The following UGGT2 variants were observed in gnomAD, a reference collection of about 807,000 sequenced individuals.
The protein encoded by UGGT2 is UDP-glucose glycoprotein glucosyltransferase 2, also known as UDP-glucose:glycoprotein glucosyltransferase 2.
In UGGT2, 180 loss-of-function variants were observed where a neutral mutation model predicts 192.1. The ratio of observed to expected loss-of-function variants is 0.94; its 90% confidence interval spans 0.83 to 1.06. UGGT2 has a LOEUF of 1.06. Ranked by LOEUF, UGGT2 falls within the 50% of genes least tolerant of loss-of-function variation. The pLI is 0.00. For missense variants in UGGT2, 1,849 were observed against 1,795.7 expected, an observed-to-expected ratio of 1.03 and a Z score of -0.54; for synonymous variants, 580 against 591.0, an observed-to-expected ratio of 0.98 and a Z score of 0.27.
At chr13:95,955,764 A>G (rs2050195604) in intron 12 of UGGT2, among the ~76,000 whole-genome samples, 1 of 152,072 alleles carries the variant, frequency 6.6e-6, no homozygotes, top group Non-Finnish European at 1.5e-5. Flanking sequence ...ATTATTGTTC[A>G]TTTTTTGTGC....
At chr13:95,902,663 A>C (rs2048141153) in intron 21 of UGGT2, among the ~76,000 whole-genome samples, 191 bp downstream of exon 21, 1 of 151,926 alleles carries the variant, frequency 6.6e-6, no homozygotes. Context: ...AACATATGAA[A>C]TCTGATTTAC....
At chr13:95,964,502 T>A (rs935762060) in intron 12 of UGGT2, among the ~76,000 whole-genome samples, 2 of 151,210 alleles carry the variant, frequency 1.3e-5, no homozygotes, top group East Asian at 1.9e-4. Context: ...GGAAAAAAAA[T>A]CAACAGAGTG....
chr13:95,801,679 G>A lies in UGGT2; in HGVS notation c.*111C>T. 1 of 1,052,892 alleles carries A rather than the reference G, an allele frequency of 9.5e-7. No individual in the cohort carries two copies. The highest frequency in any genetic ancestry group is 2.3e-5 in the Admixed American group (1 of 42,712). 65.2% of individuals were successfully genotyped at this position (1,052,892 alleles called of 1,614,324 possible). On this transcript the variant is annotated 3_prime_UTR_variant, in exon 39 of 39. Coordinates refer to ENST00000376747, the MANE Select transcript of UGGT2 (RefSeq NM_020121.4). ...ACAATTTTTTAAAATTAAAGAATAT[G>A]TCACTGATCTTAACGAGACTTCCAA...
intron 10 of UGGT2, among the ~76,000 whole-genome samples, chr13:95,977,458 T>A (rs2140831696): frequency 6.6e-6 from 1 of 151,834 alleles, no homozygotes; most frequent in East Asian, 1.9e-4. Flanking sequence ...AAAAGTTCAT[T>A]ATCACTAGAG....
intron 36 of UGGT2, among the ~76,000 whole-genome samples, chr13:95,852,924 G>A (rs1765282337): frequency 6.6e-6 from 1 of 152,096 alleles, no homozygotes; most frequent in South Asian, 2.1e-4. Flanking sequence ...ATATGGTTTG[G>A]CTGTGTCCCC....
chr13:95,893,426 C>T (rs1425281503), intron 24 of UGGT2, among the ~76,000 whole-genome samples: 1 of 152,028 alleles, frequency 6.6e-6, no homozygotes, highest in African/African-American at 2.4e-5. Context: ...TGCATATGCT[C>T]ATGAAATATA....
rs892921089 is a variant in UGGT2 at position 95,839,214 on chromosome 13, G to A, written c.4285-2012C>T. Among the ~76,000 whole-genome samples the A allele has an allele frequency of 2.0e-5, 3 of 151,948 alleles. No homozygotes were observed. In the South Asian group the frequency reaches 6.2e-4, roughly 32 times the overall value. On this transcript the variant is annotated intron_variant, in intron 36 of 38. Transcript: ENST00000376747. ...AACCTCCTGAATATAAATCTTAGGGGAACTTTAATTCTGTCAATTATATAT... is the reference window on the plus strand; with the variant it reads ...AACCTCCTGAATATAAATCTTAGGGAAACTTTAATTCTGTCAATTATATAT...
intron 5 of UGGT2, among the ~76,000 whole-genome samples, chr13:96,000,437 C>T (rs982565617): frequency 6.6e-6 from 1 of 152,110 alleles, no homozygotes; most frequent in African/African-American, 2.4e-5. Flanking sequence ...AACATTGCTG[C>T]CCACACTAAA....
At chr13:96,044,079 T>G (rs1190311692) in intron 1 of UGGT2, among the ~76,000 whole-genome samples, 1 of 152,062 alleles carries the variant, frequency 6.6e-6, no homozygotes, top group Non-Finnish European at 1.5e-5. Context: ...TCATCATCAG[T>G]GCATGAAACT....
chr13:95,887,069 TA>T (rs1480026150), intron 26 of UGGT2, among the ~76,000 whole-genome samples: 3 of 151,540 alleles, frequency 2.0e-5, no homozygotes, highest in Non-Finnish European at 4.4e-5. Context: ...AAAATAAAAA[TA>T]AAAAAAAGTT....
chr13:95,868,553 G>A (rs999968446), intron 29 of UGGT2, among the ~76,000 whole-genome samples: 4 of 152,142 alleles, frequency 2.6e-5, no homozygotes, highest in Admixed American at 6.6e-5. Context: ...CCTGTGAGCC[G>A]TGATTGTGCT....
At position 95,837,120 on chromosome 13, in the gene UGGT2, T is replaced by A; in HGVS notation, c.4367A>T (p.Asp1456Val). The change falls in exon 37 of 39, where the codon GAT (aspartate) becomes GTT (valine). Residue 1456 changes from aspartate (D) to valine (V), a missense_variant. Asp to Val is a radical substitution (Grantham distance 152, BLOSUM62 -3). Coordinates refer to ENST00000376747, the MANE Select transcript of UGGT2 (RefSeq NM_020121.4). ...TGTTTTGGCTCTTTGTTTGGATTCA[T>A]CATCACACCAGGTTTCACACCACAG... ...DWLWCETWCD[D>V]ESKQRAKTID... 6.2e-7 allele frequency: 1 copy of A among 1,614,038 alleles called. No homozygotes were observed. Among genetic ancestry groups the A allele is most frequent in the South Asian group, 1.1e-5 (1 of 91,076 alleles).
At chr13:95,904,502 G>C (rs1349851245) in intron 20 of UGGT2, among the ~76,000 whole-genome samples, 1 of 136,622 alleles carries the variant, frequency 7.3e-6, no homozygotes, top group Non-Finnish European at 1.5e-5. Flanking sequence ...GTGTCCATGT[G>C]ATCTCATTGT....
intron 11 of UGGT2, among the ~76,000 whole-genome samples, chr13:95,970,975 G>C (rs1425407693): frequency 6.6e-6 from 1 of 152,158 alleles, no homozygotes; most frequent in Admixed American, 6.5e-5. Context: ...CCCAGTCAAA[G>C]TCACATGTTC....
chr13:95,878,359 C>T (rs182826522), intron 27 of UGGT2, among the ~76,000 whole-genome samples: 45 of 152,050 alleles, frequency 3.0e-4, no homozygotes, highest in Non-Finnish European at 6.3e-4. Context: ...AAAAACAGAA[C>T]GCACCTCAAC....
chr13:96,025,605 A>C (rs1404120230), intron 2 of UGGT2, among the ~76,000 whole-genome samples: 1 of 152,184 alleles, frequency 6.6e-6, no homozygotes, highest in East Asian at 1.9e-4. Flanking sequence ...GATTTCCTCT[A>C]GTCAGTTATA....
chr13:95,909,358 T>A (rs978223108), intron 20 of UGGT2, among the ~76,000 whole-genome samples: 1 of 151,646 alleles, frequency 6.6e-6, no homozygotes, highest in African/African-American at 2.4e-5. Context: ...AACCCAAATG[T>A]CCAACAATGA....
In UGGT2 at chr13:95,860,858, T is replaced by C. The variant is rs1299188795; in HGVS notation, c.3670A>G (p.Asn1224Asp). 6.4e-7 allele frequency: 1 copy of C among 1,568,196 alleles called. No individual in the cohort carries two copies. The highest frequency in any genetic ancestry group is 1.3e-5 in the South Asian group (1 of 79,976). Reference sequence around the variant, plus strand: ...TTTAGGACATCTTTTTCCTTTTTGTTTTCTTTATGCAAGCTTACTGTGAAA... The same window carrying C: ...TTTAGGACATCTTTTTCCTTTTTGTCTTCTTTATGCAAGCTTACTGTGAAA... ...KSFTVSLHKE[N>D]KKEKDVLNIF... is the part of the protein sequence containing the mutation. Residue 1224 changes from asparagine (N) to aspartate (D), a missense_variant, in exon 32 of 39, where the codon AAC becomes GAC. Transcript: ENST00000376747.
chr13:95,834,523 A>G (rs1270192235), intron 37 of UGGT2, among the ~76,000 whole-genome samples: 4 of 152,014 alleles, frequency 2.6e-5, no homozygotes. Context: ...ATTCATAAAC[A>G]TTTTCATTCC....
Sources: gnomAD v4.1 joint callset for allele counts (sites outside exome capture counted in the v4.1 genomes callset) on GRCh38, gnomAD v4.1.1 for gene constraint, MANE v1.5 for transcripts, NCBI Gene and HGNC (gene_info 2026-07-23, HGNC 2026-07-21) for gene names.